Variants in XRCC4 observed in about 807,000 individuals in gnomAD.
The protein encoded by XRCC4 is DNA repair protein XRCC4.
Under a neutral mutation model 39.1 loss-of-function variants are expected in XRCC4, and 28 were observed. The ratio of observed to expected loss-of-function variants is 0.72; its 90% CI spans 0.53 to 0.98. XRCC4 has a LOEUF of 0.98. Ranked by LOEUF, XRCC4 falls within the 50% of genes least tolerant of loss-of-function variation. The pLI, the probability that XRCC4 is intolerant of heterozygous loss-of-function variation, is 0.00. For missense variants in XRCC4, 350 were observed against 376.4 expected (o/e 0.93, Z 0.58); for synonymous variants, 123 against 126.4 (o/e 0.97, Z 0.18).
intron 6 of XRCC4, among the ~76,000 whole-genome samples, chr5:83,217,056 C>A (rs1379298967): frequency 6.6e-6 from 1 of 151,566 alleles, no homozygotes; most frequent in African/African-American, 2.4e-5. Context: ...CACACACACA[C>A]ACCCCAAAAA....
chr5:83,258,608 G>A lies in XRCC4; in HGVS notation c.824G>A (p.Arg275Gln), dbSNP rs527506822. ...DIAPSRKRRQ[R>Q]MQRNLGTEPK... Reference sequence around the variant, plus strand: ...GCACCAAGTAGAAAAAGGAGACAGCGAATGCAAAGAAATCTTGGGACAGAA... The same window carrying A: ...GCACCAAGTAGAAAAAGGAGACAGCAAATGCAAAGAAATCTTGGGACAGAA... The change falls in exon 7 of 8, where the codon CGA becomes CAA. Residue 275 changes from arginine to glutamine, a missense_variant. Arg to Gln is a conservative substitution (Grantham distance 43). Coordinates refer to ENST00000396027, the MANE Select transcript of XRCC4 (RefSeq NM_003401.5). 9 of 1,611,270 alleles carry A rather than the reference G, an allele frequency of 5.6e-6. No homozygotes were observed. Among genetic ancestry groups the A allele is most frequent in the Middle Eastern group, 1.6e-4 (1 of 6,076 alleles).
chr5:83,171,077 T>C (rs974306506), intron 3 of XRCC4, among the ~76,000 whole-genome samples: 3 of 152,136 alleles, frequency 2.0e-5, no homozygotes, highest in African/African-American at 7.2e-5. Context: ...CTAATAGACC[T>C]GCACTCATTC....
chr5:83,171,518 A>G lies in XRCC4; in HGVS notation c.316-24252A>G, dbSNP rs539841138. On this transcript the variant is annotated intron_variant, in intron 3 of 7. Coordinates refer to ENST00000396027, the MANE Select transcript of XRCC4 (RefSeq NM_003401.5). ...TCTAAGTTTCTGGCTTCTCTTGGAA[A>G]ATTAGAAATCTGGGTATACTGGCAC... Among the ~76,000 whole-genome samples the G allele has an allele frequency of 2.6e-5, 4 of 152,282 alleles. No individual in the cohort carries two copies. The Middle Eastern group carries it at 0.014, about 518-fold the overall frequency.
At chr5:83,155,151 G>T (rs1220342797) in intron 3 of XRCC4, among the ~76,000 whole-genome samples, 5 of 152,078 alleles carry the variant, frequency 3.3e-5, no homozygotes, top group Admixed American at 2.0e-4. Flanking sequence ...AATTAAGTTT[G>T]TTTCTTGGTT....
chr5:83,228,374 G>A (rs914729872), intron 6 of XRCC4, among the ~76,000 whole-genome samples: 1 of 151,900 alleles, frequency 6.6e-6, no homozygotes, highest in African/African-American at 2.4e-5. Context: ...GAAAAACCAT[G>A]TGTCCTTGTG....
At chr5:83,371,622 G>A in the XRCC4 span, among the ~76,000 whole-genome samples, 2 of 152,200 alleles carry the variant, frequency 1.3e-5, no homozygotes, top group African/African-American at 4.8e-5. Context: ...ACTTTCAGTG[G>A]AGTGATGGGA....
intron 7 of XRCC4, among the ~76,000 whole-genome samples, chr5:83,291,177 G>A (rs1453449151): frequency 6.6e-6 from 1 of 151,684 alleles, no homozygotes; most frequent in African/African-American, 2.4e-5. Context: ...CCAGTGAACT[G>A]GAAAACTTAA....
intron 3 of XRCC4, among the ~76,000 whole-genome samples, chr5:83,185,795 A>G (rs1750413676): frequency 1.3e-5 from 2 of 152,152 alleles, no homozygotes; most frequent in Non-Finnish European, 2.9e-5. Context: ...TAGATTGCTA[A>G]ATAACTGGTG....
intron 7 of XRCC4, among the ~76,000 whole-genome samples, chr5:83,270,803 T>TC (rs1754120717): frequency 1.3e-5 from 2 of 150,110 alleles, no homozygotes; most frequent in Non-Finnish European, 3.0e-5. Context: ...ATTTTTTTTT[T>TC]GAGACAGAGT....
At chr5:83,306,262 T>C (rs1755483646) in intron 7 of XRCC4, among the ~76,000 whole-genome samples, 1 of 152,096 alleles carries the variant, frequency 6.6e-6, no homozygotes. Context: ...TTCATGAAGA[T>C]CACAGAGCAG....
chr5:83,315,199 C>T (rs1429145204), intron 7 of XRCC4, among the ~76,000 whole-genome samples: 1 of 152,066 alleles, frequency 6.6e-6, no homozygotes, highest in African/African-American at 2.4e-5. Context: ...TCCTATAAAC[C>T]GAAGCCTAAT....
chr5:83,088,872 A>G (rs1039828848), intron 1 of XRCC4, among the ~76,000 whole-genome samples: 4 of 152,196 alleles, frequency 2.6e-5, no homozygotes, highest in African/African-American at 9.7e-5. Context: ...CTTTATAGGC[A>G]GGAACATGTT....
At chr5:83,362,871 A>G in the XRCC4 span, among the ~76,000 whole-genome samples, 2 of 152,238 alleles carry the variant, frequency 1.3e-5, no homozygotes, top group East Asian at 3.8e-4. Context: ...GGTTATACAC[A>G]AAGTTACCAA....
At chr5:83,112,016 G>A (rs943813863) in intron 3 of XRCC4, among the ~76,000 whole-genome samples, 14 of 151,958 alleles carry the variant, frequency 9.2e-5, no homozygotes, top group African/African-American at 3.4e-4. Flanking sequence ...TTTAAATTTG[G>A]AATAATTAAA....
intron 3 of XRCC4, among the ~76,000 whole-genome samples, chr5:83,151,630 A>G (rs1025280578): frequency 1.3e-5 from 2 of 152,206 alleles, no homozygotes; most frequent in Non-Finnish European, 2.9e-5. Flanking sequence ...TATAATAGCC[A>G]TATTGGATTG....
At chr5:83,173,277 G>T (rs1415720427) in intron 3 of XRCC4, among the ~76,000 whole-genome samples, 1 of 152,054 alleles carries the variant, frequency 6.6e-6, no homozygotes, top group Non-Finnish European at 1.5e-5. Context: ...TTGACATTTT[G>T]ATTAATGTTT....
At chr5:83,127,630 C>T (rs1025045703) in intron 3 of XRCC4, among the ~76,000 whole-genome samples, 33 of 151,952 alleles carry the variant, frequency 2.2e-4, no homozygotes, top group African/African-American at 7.7e-4. Flanking sequence ...CTAATACCAT[C>T]CCCAATTCAA....
rs550442235 is a variant in XRCC4 at position 83,230,597 on chromosome 5, A to G, written c.745+25676A>G. ...AACAAAAATAGCATCTGATAGTTAC[A>G]TGGAGAGCTTCCTATAGACATGCTG... On this transcript the variant is annotated intron_variant, in intron 6 of 7. Coordinates refer to ENST00000396027, the MANE Select transcript of XRCC4 (RefSeq NM_003401.5). 7.9e-5 allele frequency among the ~76,000 whole-genome samples: 12 copies of G among 152,100 alleles called. No homozygotes were observed. In the South Asian group the frequency reaches 2.1e-3, roughly 26 times the overall value.
intron 7 of XRCC4, among the ~76,000 whole-genome samples, chr5:83,262,838 C>CTTTTTTTT (rs72274529): frequency 3.3e-5 from 4 of 119,448 alleles, no homozygotes; most frequent in Admixed American, 8.5e-5. Flanking sequence ...TTATCACAGT[C>CTTTTTTTT]TTTTTTTTTT....
Sources: allele counts gnomAD v4.1 joint callset (sites outside exome capture counted in the v4.1 genomes callset), GRCh38; gene constraint gnomAD v4.1.1; transcripts MANE v1.5; gene names NCBI Gene and HGNC (gene_info 2026-07-23, HGNC 2026-07-21).